The following FBXW10 variants were observed in gnomAD, a reference collection of about 807,000 sequenced individuals.
FBXW10 encodes the protein F-box/WD repeat-containing protein 10.
FBXW10 carries 68 observed loss-of-function variants against 113.1 expected under a neutral mutation model. The observed-to-expected ratio is 0.60, with a 90% CI of 0.49 to 0.74. The LOEUF (loss-of-function observed/expected upper bound fraction) is 0.74. Among genes scored for constraint, FBXW10 ranks in the 30% least tolerant of loss-of-function variants. The pLI is 0.00. For missense variants in FBXW10, 753 were observed against 1,284.5 expected, an observed-to-expected ratio of 0.59 and a Z score of 6.32; for synonymous variants, 289 against 481.6, an observed-to-expected ratio of 0.60 and a Z score of 5.24.
At chr17:18,765,178 T>C (rs1222971805) in intron 8 of FBXW10, among the ~76,000 whole-genome samples, 1 of 152,212 alleles carries the variant, frequency 6.6e-6, no homozygotes, top group Admixed American at 6.6e-5. Context: ...TGGAAGCAGA[T>C]ACATAAATAT....
rs2035751503 is a variant in FBXW10 at position 18,778,860 on chromosome 17, C to T, written c.2721C>T (p.Thr907=). Residue 907 remains threonine, a synonymous_variant, in exon 14 of 14, where the codon ACC becomes ACT. Coordinates refer to ENST00000395665, the MANE Select transcript of FBXW10 (RefSeq NM_001267585.2). ...TGCACAGTCCTAGAGTCCAGTCCAC[C>T]ATACCCCAGCCCATGATTATCCGCT... ...ISLHSPRVQS[T]IPQPMIIRSR... is the part of the protein sequence containing the mutation. The T allele has an allele frequency of 6.2e-7, 1 of 1,613,850 alleles. No homozygotes were observed. Among genetic ancestry groups the T allele is most frequent in the African/African-American group, 1.3e-5 (1 of 74,912 alleles).
At chr17:18,769,784 A>C in intron 10 of FBXW10, 143 bp from the exon 11 acceptor site, 1 of 979,960 alleles carries the variant, frequency 1.0e-6, no homozygotes, top group East Asian at 2.5e-5. Flanking sequence ...TCTCAAAAAA[A>C]AAAAAAAAAA....
chr17:18,775,418 T>G (rs979926948), intron 13 of FBXW10, among the ~76,000 whole-genome samples: 1 of 152,246 alleles, frequency 6.6e-6, no homozygotes, highest in African/African-American at 2.4e-5. Context: ...AATGCCTGGC[T>G]TCTCCCAAGA....
chr17:18,770,155 G>A (rs1261576363), intron 11 of FBXW10, 70 bp downstream of exon 11: 12 of 1,603,592 alleles, frequency 7.5e-6, no homozygotes, highest in Non-Finnish European at 1.0e-5. Context: ...TTCCTCCCCT[G>A]GGATACCAGC....
intron 6 of FBXW10, among the ~76,000 whole-genome samples, chr17:18,757,442 T>A (rs563168954): frequency 6.6e-6 from 1 of 152,344 alleles, no homozygotes; most frequent in African/African-American, 2.4e-5. Context: ...CATCCCTGTT[T>A]ATTGGAACAA....
At chr17:18,773,808 T>C (rs2035657598) in intron 12 of FBXW10, among the ~76,000 whole-genome samples, 1 of 152,118 alleles carries the variant, frequency 6.6e-6, no homozygotes, top group South Asian at 2.1e-4. Context: ...CAACCTAAAA[T>C]AACCAAAAGA....
chr17:18,748,095 A>T lies in FBXW10; in HGVS notation c.660A>T (p.Ala220=). 1.2e-6 allele frequency: 2 copies of T among 1,613,906 alleles called. No homozygotes were observed. The highest frequency in any genetic ancestry group is 1.7e-6 in the Non-Finnish European group (2 of 1,179,860). Reference sequence around the variant, plus strand: ...AAAATGAACACTTGCTTGGGGCAGCATCTAACCCTGGTAAGTGAACTTTCA... The same window carrying T: ...AAAATGAACACTTGCTTGGGGCAGCTTCTAACCCTGGTAAGTGAACTTTCA... ...APENEHLLGA[A]SNPEEPWRNS... Residue 220 remains alanine (A), a synonymous_variant, in exon 2 of 14, where the codon GCA becomes GCT. Coordinates refer to ENST00000395665, the MANE Select transcript of FBXW10 (RefSeq NM_001267585.2).
intron 1 of FBXW10, chr17:18,745,252 TAG>T (rs2035018946): frequency 1.0e-6 from 1 of 964,502 alleles, no homozygotes; most frequent in Admixed American, 5.3e-5. Context: ...AACCTTAAAG[TAG>T]AGTTTCTCCA....
chr17:18,748,874 T>A (rs994581967), intron 2 of FBXW10, among the ~76,000 whole-genome samples: 12 of 152,150 alleles, frequency 7.9e-5, no homozygotes, highest in African/African-American at 2.9e-4. Context: ...AATGGGGAAT[T>A]TGGTTCCCCA....
chr17:18,759,662 G>C (rs1353149440), intron 7 of FBXW10, among the ~76,000 whole-genome samples: 2 of 151,714 alleles, frequency 1.3e-5, no homozygotes, highest in Non-Finnish European at 2.9e-5. Context: ...ACCCAGGCTG[G>C]AGAGCAGTGG....
intron 7 of FBXW10, among the ~76,000 whole-genome samples, chr17:18,761,554 C>T (rs1354785682): frequency 6.6e-5 from 10 of 152,084 alleles, no homozygotes; most frequent in Non-Finnish European, 1.3e-4. Flanking sequence ...CATGAGCCAC[C>T]GCGCCCGGCC....
chr17:18,774,824 C>A (rs568773331), intron 12 of FBXW10, among the ~76,000 whole-genome samples: 12 of 152,062 alleles, frequency 7.9e-5, no homozygotes, highest in Non-Finnish European at 1.6e-4. Context: ...AAACAAAAAA[C>A]CAATAATGTA....
At chr17:18,761,393 G>A (rs2035382612) in intron 7 of FBXW10, among the ~76,000 whole-genome samples, 1 of 151,800 alleles carries the variant, frequency 6.6e-6, no homozygotes, top group African/African-American at 2.4e-5. Flanking sequence ...AGCCTCCCGA[G>A]TAGCTGGGAC....
intron 1 of FBXW10, 22 bp downstream of exon 1, chr17:18,744,771 G>A (rs1391363711): frequency 6.2e-7 from 1 of 1,607,356 alleles, no homozygotes; most frequent in Non-Finnish European, 8.5e-7. Context: ...CACAGGCAGA[G>A]ACTAGAGGGC....
intron 1 of FBXW10, among the ~76,000 whole-genome samples, 198 bp from the exon 2 acceptor site, chr17:18,747,743 G>A (rs1300211974): frequency 6.6e-6 from 1 of 151,994 alleles, no homozygotes; most frequent in Non-Finnish European, 1.5e-5. Flanking sequence ...ATGGGGGCGT[G>A]CTGAAAAGCT....
At chr17:18,763,101 G>A (rs1275176946) in intron 7 of FBXW10, among the ~76,000 whole-genome samples, 2 of 149,724 alleles carry the variant, frequency 1.3e-5, no homozygotes, top group East Asian at 3.9e-4. Flanking sequence ...AAACTACAAA[G>A]ACATATTAAT....
Position 18,744,538 on chromosome 17 carries a change from G to C in FBXW10, c.294G>C (p.Glu98Asp). The C allele has an allele frequency of 1.2e-6, 2 of 1,614,016 alleles. No individual in the cohort carries two copies. The highest frequency in any genetic ancestry group is 8.5e-7 in the Non-Finnish European group (1 of 1,179,886). ...CCCGGATCAACCTCAGCAAGAAAGA[G>C]GGGAAAGTTGTGAAGTCCTCCTTGA... ...NRSRINLSKK[E>D]GKVVKSSLNQ... The change falls in exon 1 of 14, where the codon GAG becomes GAC. Residue 98 changes from glutamate (E) to aspartate (D), a missense_variant. Physicochemically the swap from Glu to Asp is conservative, Grantham distance 45 (BLOSUM62 2). Coordinates refer to ENST00000395665, the MANE Select transcript of FBXW10 (RefSeq NM_001267585.2).
At chr17:18,766,223 C>A (rs537111284) in intron 8 of FBXW10, among the ~76,000 whole-genome samples, 42 of 152,160 alleles carry the variant, frequency 2.8e-4, no homozygotes, top group Admixed American at 2.0e-3. Context: ...GGGTAGATGA[C>A]CTTCTTTCAT....
In FBXW10 at chr17:18,779,347, G is replaced by A. The variant is rs749540424; in HGVS notation, c.*49G>A. The A allele has an allele frequency of 1.3e-5, 12 of 945,940 alleles. No homozygotes were observed. In the Admixed American group the frequency reaches 2.4e-4, roughly 19 times the overall value. The allele number at this position is 945,940 out of a possible 1,614,324, so 58.6% of individuals were successfully genotyped here. ...TTTTACAATAAACAGAAAGCCAAGC[G>A]GATGTTGCTATTTGGCCTTTTTTTT... On this transcript the variant is annotated 3_prime_UTR_variant, in exon 14 of 14. Transcript: ENST00000395665.
Sources: allele counts gnomAD v4.1 joint callset (sites outside exome capture counted in the v4.1 genomes callset), GRCh38; gene constraint gnomAD v4.1.1; transcripts MANE v1.5; gene names NCBI Gene and HGNC (gene_info 2026-07-23, HGNC 2026-07-21).